Variants in DOCK2 observed in about 807,000 individuals in gnomAD.
DOCK2 encodes dedicator of cytokinesis protein 2.
In DOCK2, 87 loss-of-function variants were observed where a neutral mutation model predicts 248.9. The observed-to-expected ratio is 0.35, with a 90% CI of 0.29 to 0.42. DOCK2 has a LOEUF of 0.42. Among genes scored for constraint, DOCK2 ranks in the 10% least tolerant of loss-of-function variants. The pLI, the probability that DOCK2 is intolerant of heterozygous loss-of-function variation, is 1.00. For synonymous variants in DOCK2, 805 were observed against 821.6 expected, an observed-to-expected ratio of 0.98 and a Z score of 0.35; for missense variants, 1,747 against 2,300.2, an observed-to-expected ratio of 0.76 and a Z score of 4.92.
chr5:169,791,274 T>A (rs916674683), intron 25 of DOCK2, among the ~76,000 whole-genome samples: 1 of 152,208 alleles, frequency 6.6e-6, no homozygotes, highest in Admixed American at 6.5e-5. Flanking sequence ...AGCGAATGGC[T>A]TGAAGTCATG....
At chr5:169,967,336 G>GT (rs1159597978) in intron 27 of DOCK2, among the ~76,000 whole-genome samples, 1 of 152,212 alleles carries the variant, frequency 6.6e-6, no homozygotes, top group East Asian at 1.9e-4. Context: ...TGTTTAAAAG[G>GT]TAGGTAGATA....
chr5:169,843,273 G>T (rs955231970), intron 27 of DOCK2, among the ~76,000 whole-genome samples: 1 of 151,954 alleles, frequency 6.6e-6, no homozygotes, highest in Non-Finnish European at 1.5e-5. Flanking sequence ...AGCTGTGACC[G>T]CTCCCTCTTC....
At chr5:169,759,862 T>C in intron 24 of DOCK2, 87 bp downstream of exon 24, 2 of 1,449,328 alleles carry the variant, frequency 1.4e-6, no homozygotes, top group Non-Finnish European at 1.9e-6. Flanking sequence ...GAGCTCCAGA[T>C]GGGCACTCAG....
chr5:169,817,336 A>G (rs567911283), intron 26 of DOCK2, among the ~76,000 whole-genome samples: 3 of 152,222 alleles, frequency 2.0e-5, no homozygotes, highest in Non-Finnish European at 4.4e-5. Flanking sequence ...TTTCAACTGA[A>G]GTAATATCTT....
At chr5:170,004,946 T>C (rs7714253) in intron 30 of DOCK2, among the ~76,000 whole-genome samples, 9,868 of 135,444 alleles carry the variant, frequency 0.073, 520 homozygotes, top group African/African-American at 0.14. Flanking sequence ...AGGGATAGCA[T>C]TGGGAGATAT....
chr5:169,714,882 GTAA>G, intron 19 of DOCK2, among the ~76,000 whole-genome samples: 1 of 151,938 alleles, frequency 6.6e-6, no homozygotes, highest in Non-Finnish European at 1.5e-5. Flanking sequence ...TCAATAAATG[GTAA>G]TTATTATTTT....
intron 23 of DOCK2, among the ~76,000 whole-genome samples, chr5:169,758,784 A>G (rs2113730938): frequency 6.6e-6 from 1 of 152,382 alleles, no homozygotes; most frequent in Admixed American, 6.5e-5. Context: ...TTAGAGAATA[A>G]TCATAATCAT....
intron 46 of DOCK2, 39 bp from the exon 47 acceptor site, chr5:170,075,908 G>C: frequency 3.1e-6 from 5 of 1,609,716 alleles, no homozygotes; most frequent in African/African-American, 1.3e-5. Context: ...GAGGCCCACC[G>C]GTCAGCCTCT....
intron 46 of DOCK2, among the ~76,000 whole-genome samples, chr5:170,072,168 A>C (rs902069737): frequency 1.3e-5 from 2 of 152,180 alleles, no homozygotes; most frequent in Non-Finnish European, 2.9e-5. Flanking sequence ...TGGTCATAGC[A>C]TGTGAGGATA....
chr5:169,730,449 G>C (rs552498810), intron 22 of DOCK2, among the ~76,000 whole-genome samples: 2 of 152,154 alleles, frequency 1.3e-5, no homozygotes, highest in African/African-American at 2.4e-5. Context: ...TTTGGACAGC[G>C]AGTCAGAGGC....
chr5:170,056,980 A>G, intron 43 of DOCK2: 1 of 536,026 alleles, frequency 1.9e-6, no homozygotes, highest in South Asian at 2.5e-5. Flanking sequence ...TACAGAACCC[A>G]GGCCTCATGT....
intron 1 of DOCK2, among the ~76,000 whole-genome samples, chr5:169,639,083 T>C (rs1223488485): frequency 1.3e-5 from 2 of 152,210 alleles, no homozygotes; most frequent in Non-Finnish European, 2.9e-5. Context: ...CTTCAAAGTT[T>C]GGATTTCCTT....
chr5:169,901,112 A>G (rs1204037187), intron 27 of DOCK2, among the ~76,000 whole-genome samples: 2 of 152,170 alleles, frequency 1.3e-5, no homozygotes, highest in Admixed American at 1.3e-4. Context: ...CATTGTGGGT[A>G]AGGGAAGTGC....
chr5:169,728,859 C>T (rs1468064413), intron 22 of DOCK2, among the ~76,000 whole-genome samples: 4 of 152,188 alleles, frequency 2.6e-5, no homozygotes, highest in Non-Finnish European at 5.9e-5. Flanking sequence ...GTCTTGTCTG[C>T]TTCCACCTCC....
chr5:169,696,829 T>G (rs927457211), intron 10 of DOCK2, among the ~76,000 whole-genome samples: 8 of 152,052 alleles, frequency 5.3e-5, no homozygotes, highest in East Asian at 1.9e-4. Flanking sequence ...CACTGTTTTT[T>G]TTTTTTTTTT....
intron 27 of DOCK2, among the ~76,000 whole-genome samples, chr5:169,924,748 T>G (rs981849630): frequency 1.3e-5 from 2 of 152,240 alleles, no homozygotes; most frequent in Admixed American, 1.3e-4. Flanking sequence ...AGGACATTTC[T>G]TTTCCAACCC....
At chr5:169,961,000 G>T (rs980859472) in intron 27 of DOCK2, among the ~76,000 whole-genome samples, 4 of 152,124 alleles carry the variant, frequency 2.6e-5, no homozygotes, top group African/African-American at 9.7e-5. Context: ...ATGGAGTCTT[G>T]GAACATATCC....
chr5:169,756,925 C>CAA (rs60397780), intron 23 of DOCK2, among the ~76,000 whole-genome samples: 125 of 127,876 alleles, frequency 9.8e-4, no homozygotes, highest in Middle Eastern at 4.0e-3. Context: ...AACTCTGTCT[C>CAA]AAAAAAAAAA....
At chr5:169,866,465 A>G (rs923785546) in intron 27 of DOCK2, among the ~76,000 whole-genome samples, 3 of 152,356 alleles carry the variant, frequency 2.0e-5, no homozygotes, top group African/African-American at 7.2e-5. Context: ...CTTAAATGCC[A>G]TGTGCATATA....
Sources: gnomAD v4.1 joint callset for allele counts (sites outside exome capture counted in the v4.1 genomes callset) on GRCh38, gnomAD v4.1.1 for gene constraint, MANE v1.5 for transcripts, NCBI Gene and HGNC (gene_info 2026-07-23, HGNC 2026-07-21) for gene names.